The following MTF2 variants were observed in gnomAD, a reference collection of about 807,000 sequenced individuals.
MTF2 encodes metal response element binding transcription factor 2.
Under a neutral mutation model 79.5 loss-of-function variants are expected in MTF2, and 11 were observed. The observed-to-expected ratio is 0.14, with a 90% CI of 0.09 to 0.23. The LOEUF is 0.23. Ranked by LOEUF, MTF2 falls within the 10% of genes least tolerant of loss-of-function variation. MTF2 has a pLI of 1.00. For synonymous variants in MTF2, 208 were observed against 232.8 expected (o/e 0.89, Z 0.97); for missense variants, 486 against 711.2 (o/e 0.68, Z 3.60).
chr1:93,092,111 T>C (rs1360118346), intron 1 of MTF2, among the ~76,000 whole-genome samples: 1 of 152,198 alleles, frequency 6.6e-6, no homozygotes, highest in Non-Finnish European at 1.5e-5. Context: ...TGTTTGGTTT[T>C]TCTTCTCTTG....
At chr1:93,125,316 T>C (rs1656651394) in intron 9 of MTF2, among the ~76,000 whole-genome samples, 1 of 151,600 alleles carries the variant, frequency 6.6e-6, no homozygotes, top group Non-Finnish European at 1.5e-5. Context: ...TTTTTTTTTT[T>C]TTTTTTTATG....
At chr1:93,101,588 T>TTTG (rs1655545841) in intron 1 of MTF2, among the ~76,000 whole-genome samples, 1 of 119,580 alleles carries the variant, frequency 8.4e-6, no homozygotes, top group African/African-American at 3.0e-5. Flanking sequence ...TTTTTTTTTT[T>TTTG]TTTTTTTTTG....
chr1:93,116,545 C>T (rs1656258117), intron 6 of MTF2, among the ~76,000 whole-genome samples: 1 of 140,588 alleles, frequency 7.1e-6, no homozygotes, highest in South Asian at 2.1e-4. Context: ...GCTCTGTTGC[C>T]TCGGCTGGAG....
At chr1:93,099,977 A>G (rs1472438533) in intron 1 of MTF2, among the ~76,000 whole-genome samples, 1 of 152,234 alleles carries the variant, frequency 6.6e-6, no homozygotes, top group Non-Finnish European at 1.5e-5. Context: ...TACTGATTTA[A>G]TGAAAATAGT....
chr1:93,103,892 G>A (rs1200695644), intron 1 of MTF2, among the ~76,000 whole-genome samples: 2 of 152,128 alleles, frequency 1.3e-5, no homozygotes, highest in African/African-American at 4.8e-5. Flanking sequence ...TTTTCTGTAA[G>A]ATTTTTTTGG....
intron 11 of MTF2, among the ~76,000 whole-genome samples, 170 bp downstream of exon 11, chr1:93,129,618 A>G (rs1181076139): frequency 7.0e-6 from 1 of 142,686 alleles, no homozygotes; most frequent in Admixed American, 7.2e-5. Context: ...TGAAGAGTTG[A>G]TGCCAGATGC....
intron 1 of MTF2, among the ~76,000 whole-genome samples, chr1:93,100,560 G>A (rs1213391309): frequency 1.3e-5 from 2 of 152,118 alleles, no homozygotes; most frequent in Non-Finnish European, 1.5e-5. Context: ...GCCCGCCTCG[G>A]CCTCCCAAAG....
intron 1 of MTF2, among the ~76,000 whole-genome samples, chr1:93,082,402 T>C (rs1179390704): frequency 6.6e-6 from 1 of 151,982 alleles, no homozygotes; most frequent in African/African-American, 2.4e-5. Flanking sequence ...TGCCTTAGCC[T>C]GCCGAGTAGT....
chr1:93,098,236 A>G (rs1042138057), intron 1 of MTF2, among the ~76,000 whole-genome samples: 1 of 152,154 alleles, frequency 6.6e-6, no homozygotes, highest in African/African-American at 2.4e-5. Flanking sequence ...TGAAACTACT[A>G]CTCATCCTTT....
chr1:93,117,326 C>G (rs950607995), intron 6 of MTF2, among the ~76,000 whole-genome samples: 9 of 151,420 alleles, frequency 5.9e-5, no homozygotes, highest in Admixed American at 2.6e-4. Context: ...TCCTTTGAAC[C>G]CTGAAGTCCA....
chr1:93,081,185 C>T (rs1010956783), intron 1 of MTF2, among the ~76,000 whole-genome samples: 1 of 152,028 alleles, frequency 6.6e-6, no homozygotes, highest in Non-Finnish European at 1.5e-5. Context: ...CTTGTTAAGC[C>T]TTTTTTCTAG....
At chr1:93,129,850 T>G (rs1269840355) in intron 11 of MTF2, among the ~76,000 whole-genome samples, 1 of 152,208 alleles carries the variant, frequency 6.6e-6, no homozygotes, top group African/African-American at 2.4e-5. Context: ...AGATTTTTCT[T>G]CTGCCCTGAT....
At chr1:93,125,771 A>G (rs1260133201) in intron 9 of MTF2, among the ~76,000 whole-genome samples, 1 of 152,100 alleles carries the variant, frequency 6.6e-6, no homozygotes, top group African/African-American at 2.4e-5. Context: ...CATGTGATAT[A>G]GCTATTAAAC....
chr1:93,079,751 G>A (rs779710954), intron 1 of MTF2, among the ~76,000 whole-genome samples: 121 of 152,188 alleles, frequency 8.0e-4, no homozygotes, highest in Non-Finnish European at 8.8e-4. Flanking sequence ...AAAGGAGCGA[G>A]GAGGTCGTTG....
At chr1:93,111,009 C>G (rs1410002658) in intron 3 of MTF2, among the ~76,000 whole-genome samples, 1 of 152,108 alleles carries the variant, frequency 6.6e-6, no homozygotes, top group Admixed American at 6.6e-5. Context: ...ACATATAAAA[C>G]TGATTTAGAA....
At chr1:93,092,792 C>T (rs1655125239) in intron 1 of MTF2, among the ~76,000 whole-genome samples, 1 of 152,162 alleles carries the variant, frequency 6.6e-6, no homozygotes, top group African/African-American at 2.4e-5. Flanking sequence ...ACATTTTAAA[C>T]TGTTTTCATT....
chr1:93,121,830 C>G, intron 9 of MTF2: 1 of 732,440 alleles, frequency 1.4e-6, no homozygotes, highest in Non-Finnish European at 1.6e-6. Context: ...GAGACGGAGT[C>G]TTGCTCTGTC....
chr1:93,118,495 T>A, intron 7 of MTF2, 55 bp downstream of exon 7: 1 of 1,267,194 alleles, frequency 7.9e-7, no homozygotes, highest in Non-Finnish European at 1.1e-6. Context: ...TTAATTGTGG[T>A]TATATTTGTG....
At chr1:93,097,824 C>T (rs1655359832) in intron 1 of MTF2, among the ~76,000 whole-genome samples, 1 of 152,156 alleles carries the variant, frequency 6.6e-6, no homozygotes, top group African/African-American at 2.4e-5. Flanking sequence ...TCGCGAGCTC[C>T]TGACCTTAAA....
Sources: allele counts gnomAD v4.1 joint callset (sites outside exome capture counted in the v4.1 genomes callset), GRCh38; gene constraint gnomAD v4.1.1; transcripts MANE v1.5; gene names NCBI Gene and HGNC (gene_info 2026-07-23, HGNC 2026-07-21).